The following PCDHGA4 variants were observed in gnomAD, a reference collection of about 807,000 sequenced individuals.
PCDHGA4 encodes protocadherin gamma-A4.
PCDHGA4 carries 38 observed loss-of-function variants against 54.6 expected under a neutral mutation model. The ratio of observed to expected loss-of-function variants is 0.70; its 90% CI spans 0.54 to 0.91. The LOEUF (loss-of-function observed/expected upper bound fraction) is 0.91. Ranked by LOEUF, PCDHGA4 falls within the 40% of genes least tolerant of loss-of-function variation. The pLI is 0.00. For missense variants in PCDHGA4, 1,298 were observed against 1,220.9 expected, an observed-to-expected ratio of 1.06 and a Z score of -0.94; for synonymous variants, 511 against 512.9, an observed-to-expected ratio of 1.00 and a Z score of 0.05.
chr5:141,381,702 C>CT (rs1561588740), intron 1 of PCDHGA4, among the ~76,000 whole-genome samples: 1 of 151,968 alleles, frequency 6.6e-6, no homozygotes, highest in Admixed American at 6.6e-5. Flanking sequence ...CGATTTCTTT[C>CT]TTTTTTTCTC....
At position 141,491,267 on chromosome 5, in the gene PCDHGA4, A is replaced by C. The variant is rs1376540913; in HGVS notation, c.2515-3540A>C. ...GATGAGGACCCTGAGGAAATGCCCA[A>C]ATCCAGTGACTTCCTCATACACCCT... On this transcript the variant is annotated intron_variant, in intron 1 of 3. Coordinates refer to ENST00000571252, the MANE Select transcript of PCDHGA4 (RefSeq NM_018917.4). This position sits in a 1 kb window ranked among gnomAD's most constrained non-coding sequence, Gnocchi z 6.9. The C allele has an allele frequency of 2.5e-6, 4 of 1,613,944 alleles. No individual in the cohort carries two copies. The highest frequency in any genetic ancestry group is 3.4e-6 in the Non-Finnish European group (4 of 1,179,936).
chr5:141,358,758 G>A (rs1369983986), intron 1 of PCDHGA4, among the ~76,000 whole-genome samples: 3 of 152,164 alleles, frequency 2.0e-5, no homozygotes, highest in Admixed American at 2.0e-4. Context: ...TTGTCATCAT[G>A]TGAGCCTCTT....
intron 1 of PCDHGA4, among the ~76,000 whole-genome samples, chr5:141,467,931 T>C (rs771009105): frequency 1.3e-5 from 2 of 151,966 alleles, no homozygotes; most frequent in Non-Finnish European, 2.9e-5. Flanking sequence ...AATGCTAGGA[T>C]TACAAGCATG....
chr5:141,448,894 G>A (rs2098614669), intron 1 of PCDHGA4, among the ~76,000 whole-genome samples: 2 of 152,098 alleles, frequency 1.3e-5, no homozygotes, highest in South Asian at 4.1e-4. Context: ...GCAGTGAGCC[G>A]AGATCGTGCC....
intron 1 of PCDHGA4, among the ~76,000 whole-genome samples, chr5:141,463,797 T>C (rs58523023): frequency 0.28 from 42,459 of 152,012 alleles, 6,656 homozygotes; most frequent in African/African-American, 0.43. Flanking sequence ...TGAACAAATG[T>C]CTAAAAGCTT....
chr5:141,403,849 G>A, intron 1 of PCDHGA4: 1 of 1,613,560 alleles, frequency 6.2e-7, no homozygotes, highest in East Asian at 2.2e-5. Flanking sequence ...AAAATACTGG[G>A]GAAATATCAA....
At chr5:141,509,573 C>G (rs372901649) in intron 3 of PCDHGA4, among the ~76,000 whole-genome samples, 4 of 152,164 alleles carry the variant, frequency 2.6e-5, no homozygotes, top group Admixed American at 2.6e-4. Context: ...CTTCACAGTG[C>G]GTACAAATCA....
At chr5:141,494,583 G>A (rs2099755431) in intron 1 of PCDHGA4, among the ~76,000 whole-genome samples, 1 of 152,152 alleles carries the variant, frequency 6.6e-6, no homozygotes, top group Non-Finnish European at 1.5e-5. Flanking sequence ...CTTGCTCACT[G>A]TGGTCAGATG....
intron 1 of PCDHGA4, chr5:141,478,131 A>G (rs747801474): frequency 6.2e-7 from 1 of 1,614,064 alleles, no homozygotes; most frequent in Non-Finnish European, 8.5e-7. Flanking sequence ...GACTCTCCTG[A>G]AGCCCGAGCC....
At position 141,409,906 on chromosome 5, in the gene PCDHGA4, T is replaced by C. The variant is rs779572711; in HGVS notation, c.2514+52285T>C. Reference sequence around the variant, plus strand: ...CGCGGGTGCTGTACCCAGCTCTGGGTCCTGACGGCTCCGCGTTCTTCGATA... The same window carrying C: ...CGCGGGTGCTGTACCCAGCTCTGGGCCCTGACGGCTCCGCGTTCTTCGATA... On this transcript the variant is annotated intron_variant, in intron 1 of 3. Transcript: ENST00000571252. 6 of 1,613,214 alleles carry C rather than the reference T, an allele frequency of 3.7e-6. No homozygotes were observed. The South Asian group carries it at 6.6e-5, about 18-fold the overall frequency.
chr5:141,427,260 AC>A (rs1388196814), intron 1 of PCDHGA4: 1 of 456,770 alleles, frequency 2.2e-6, no homozygotes, highest in Admixed American at 2.3e-5. Flanking sequence ...TGGAGGCATG[AC>A]CAGCGAATGT....
chr5:141,508,647 C>T (rs1301017914), intron 3 of PCDHGA4, among the ~76,000 whole-genome samples: 4 of 152,090 alleles, frequency 2.6e-5, no homozygotes, highest in African/African-American at 9.7e-5. Flanking sequence ...CTCCGTCAGG[C>T]CCTTCCTGTC....
chr5:141,394,701 C>G lies in PCDHGA4; in HGVS notation c.2514+37080C>G, dbSNP rs375281416. 1.9e-6 allele frequency: 3 copies of G among 1,613,162 alleles called. No homozygotes were observed. Among genetic ancestry groups the G allele is most frequent in the Non-Finnish European group, 2.5e-6 (3 of 1,179,880 alleles). ...GCACACGGGCGAGGTGCGCACGGCG[C>G]GAGCCCTGCTGGACAGAGATGCGCT... is the stretch of plus-strand genomic sequence containing the variant. On this transcript the variant is annotated intron_variant, in intron 1 of 3. Transcript: ENST00000571252.
intron 1 of PCDHGA4, chr5:141,361,306 A>C (rs751243167): frequency 6.2e-7 from 1 of 1,613,858 alleles, no homozygotes; most frequent in African/African-American, 1.3e-5. Context: ...GGGAAATGCC[A>C]AGTTTATTTT....
chr5:141,360,842 A>T, intron 1 of PCDHGA4: 1 of 1,614,028 alleles, frequency 6.2e-7, no homozygotes, highest in South Asian at 1.1e-5. Context: ...ACGGATGCCA[A>T]CGATAACCCT....
Position 141,447,812 on chromosome 5 carries a change from G to A in PCDHGA4, c.2515-46995G>A, listed in dbSNP as rs557330895. 5.4e-4 allele frequency among the ~76,000 whole-genome samples: 82 copies of A among 152,254 alleles called. 1 individual carries two copies. The highest frequency in any genetic ancestry group is 1.3e-3 in the Admixed American group (20 of 15,294). On this transcript the variant is annotated intron_variant, in intron 1 of 3. Coordinates refer to ENST00000571252, the MANE Select transcript of PCDHGA4 (RefSeq NM_018917.4). ...TTTAAGAAAATAAAATTGGCTGGGC[G>A]TGGTGGCTCACGCCTGTAATCCCAG...
chr5:141,402,850 T>C (rs1447900346), intron 1 of PCDHGA4: 7 of 1,417,624 alleles, frequency 4.9e-6, no homozygotes, highest in Non-Finnish European at 6.5e-6. Context: ...TCAGCCTCTT[T>C]CTTCTAAGGA....
At chr5:141,413,102 G>A in intron 1 of PCDHGA4, 1 of 1,480,778 alleles carries the variant, frequency 6.8e-7, no homozygotes, top group Non-Finnish European at 9.1e-7. Context: ...TGAAGCCACA[G>A]AAAGACAAAG....
chr5:141,406,096 G>A (rs966441415), intron 1 of PCDHGA4, among the ~76,000 whole-genome samples: 1 of 150,800 alleles, frequency 6.6e-6, no homozygotes, highest in Non-Finnish European at 1.5e-5. Context: ...TTAAGAGATG[G>A]GGGTGTCATT....
Sources: gnomAD v4.1 joint callset for allele counts (sites outside exome capture counted in the v4.1 genomes callset) on GRCh38, gnomAD v4.1.1 for gene constraint, Gnocchi (gnomAD v3.1) non-coding constraint, MANE v1.5 for transcripts, NCBI Gene and HGNC (gene_info 2026-07-23, HGNC 2026-07-21) for gene names.